CREB5: variants seen among roughly 807,000 people sequenced by gnomAD.
CREB5 encodes the protein cyclic AMP-responsive element-binding protein 5.
Under a neutral mutation model 57.1 loss-of-function variants are expected in CREB5, and 19 were observed. That is an observed-to-expected ratio of 0.33 (90% CI 0.23 to 0.49). The LOEUF is 0.49. CREB5 is among the 20% of genes least tolerant of loss of function. The pLI is 0.99. For synonymous variants in CREB5, 238 were observed against 238.3 expected, an observed-to-expected ratio of 1.00 and a Z score of 0.01; for missense variants, 579 against 671.6, an observed-to-expected ratio of 0.86 and a Z score of 1.52.
Position 28,820,372 on chromosome 7 carries a change from G to C in CREB5, c.*1093G>C, listed in dbSNP as rs754020461. 6.6e-5 allele frequency: 10 copies of C among 152,102 alleles called. No homozygotes were observed. Among genetic ancestry groups the C allele is most frequent in the Non-Finnish European group, 1.3e-4 (9 of 67,994 alleles). 9.4% of individuals were successfully genotyped at this position (152,102 alleles called of 1,614,324 possible). A position where few individuals can be genotyped will look rare whatever the true frequency, so the allele number is the denominator to read the frequency against. On this transcript the variant is annotated 3_prime_UTR_variant, in exon 11 of 11. Transcript: ENST00000357727. ...TCAGAAGGGCTCTATTCACTACACA[G>C]ATTACATTGTTCAATCATCAGCTGC...
intron 1 of CREB5, among the ~76,000 whole-genome samples, chr7:28,426,745 T>C (rs174025): frequency 0.59 from 90,270 of 152,116 alleles, 27,228 homozygotes; most frequent in East Asian, 0.72. Context: ...TAAGAAAACG[T>C]ATCTTCTATT....
intron 5 of CREB5, among the ~76,000 whole-genome samples, chr7:28,627,368 C>G (rs573103807): frequency 6.6e-6 from 1 of 152,156 alleles, no homozygotes; most frequent in African/African-American, 2.4e-5. Flanking sequence ...TCAGCCCTGG[C>G]TACCTGTTGC....
At chr7:28,303,229 C>A (rs1312445270) in intron 1 of CREB5, among the ~76,000 whole-genome samples, 1 of 151,970 alleles carries the variant, frequency 6.6e-6, no homozygotes, top group Non-Finnish European at 1.5e-5. Context: ...TACGATGAAC[C>A]TTATTTATTT....
chr7:28,508,690 A>G (rs1240308155), intron 4 of CREB5, among the ~76,000 whole-genome samples: 1 of 152,166 alleles, frequency 6.6e-6, no homozygotes, highest in East Asian at 1.9e-4. Flanking sequence ...AAGGGCTTGT[A>G]TTTAGCCTGT....
At chr7:28,613,815 C>G (rs1355914770) in intron 5 of CREB5, among the ~76,000 whole-genome samples, 1 of 152,106 alleles carries the variant, frequency 6.6e-6, no homozygotes, top group African/African-American at 2.4e-5. Flanking sequence ...GGCTTAGAGT[C>G]AGAGTTCAAA....
intron 1 of CREB5, among the ~76,000 whole-genome samples, chr7:28,386,300 C>A (rs1264832315): frequency 6.6e-6 from 1 of 152,098 alleles, no homozygotes; most frequent in African/African-American, 2.4e-5. Context: ...AATACATTTT[C>A]TCTATGTAAA....
chr7:28,443,796 A>T (rs539315341), intron 1 of CREB5, among the ~76,000 whole-genome samples: 3 of 152,238 alleles, frequency 2.0e-5, no homozygotes, highest in Middle Eastern at 3.4e-3. Flanking sequence ...TTCACTTACG[A>T]TGATGATGAC....
intron 7 of CREB5, among the ~76,000 whole-genome samples, chr7:28,754,226 T>A (rs1805156815): frequency 6.6e-6 from 1 of 152,158 alleles, no homozygotes; most frequent in African/African-American, 2.4e-5. Context: ...GTGCACCAGC[T>A]CTTTCTTAAA....
intron 1 of CREB5, among the ~76,000 whole-genome samples, chr7:28,480,047 T>C (rs774846645): frequency 6.7e-6 from 1 of 149,728 alleles, no homozygotes; most frequent in Non-Finnish European, 1.5e-5. Context: ...CATTATCCAA[T>C]AAAAATCATC....
intron 7 of CREB5, among the ~76,000 whole-genome samples, chr7:28,764,780 A>C (rs982497326): frequency 2.6e-5 from 4 of 152,238 alleles, no homozygotes; most frequent in Non-Finnish European, 5.9e-5. Context: ...TTTTCACTAG[A>C]GTCTACATAT....
At chr7:28,686,286 C>T (rs1387516625) in intron 5 of CREB5, 15 of 904,622 alleles carry the variant, frequency 1.7e-5, no homozygotes, top group Non-Finnish European at 2.5e-5. Context: ...TCGTCCTCCT[C>T]CTCCTCCTCT....
intron 1 of CREB5, among the ~76,000 whole-genome samples, chr7:28,445,645 A>AG (rs776458910): frequency 1.3e-4 from 20 of 151,536 alleles, no homozygotes; most frequent in Admixed American, 8.6e-4. Flanking sequence ...TCCGCCTCCC[A>AG]GGTTCACGCC....
chr7:28,814,008 T>C (rs1433182212), intron 9 of CREB5, among the ~76,000 whole-genome samples: 1 of 152,190 alleles, frequency 6.6e-6, no homozygotes, highest in Non-Finnish European at 1.5e-5. Context: ...GAATACAAAA[T>C]GGTGATTTTC....
intron 5 of CREB5, among the ~76,000 whole-genome samples, chr7:28,676,145 T>A (rs1359751922): frequency 6.6e-6 from 1 of 152,160 alleles, no homozygotes; most frequent in Non-Finnish European, 1.5e-5. Context: ...AGATAGTACA[T>A]GACCAAAGAA....
chr7:28,626,981 A>G (rs946136759), intron 5 of CREB5, among the ~76,000 whole-genome samples: 1 of 152,168 alleles, frequency 6.6e-6, no homozygotes, highest in African/African-American at 2.4e-5. Flanking sequence ...GCTTGCAATG[A>G]GTTAGAAACA....
intron 1 of CREB5, among the ~76,000 whole-genome samples, chr7:28,449,053 G>T (rs1050974173): frequency 8.6e-5 from 13 of 151,878 alleles, no homozygotes; most frequent in African/African-American, 3.1e-4. Context: ...AATGGCATTT[G>T]CCTCCTCTTT....
chr7:28,765,258 G>A (rs576570239), intron 7 of CREB5, among the ~76,000 whole-genome samples: 4 of 152,134 alleles, frequency 2.6e-5, no homozygotes, highest in Non-Finnish European at 5.9e-5. Flanking sequence ...AGTCTGGTGT[G>A]GTATGATTTT....
chr7:28,560,963 T>TGTGC (rs1795217319), intron 4 of CREB5, among the ~76,000 whole-genome samples: 1 of 48,108 alleles, frequency 2.1e-5, no homozygotes. Flanking sequence ...TGTGTGTGCG[T>TGTGC]GTGTGTGTGC....
chr7:28,592,558 A>G (rs944760398), intron 5 of CREB5, among the ~76,000 whole-genome samples: 1 of 152,178 alleles, frequency 6.6e-6, no homozygotes, highest in Non-Finnish European at 1.5e-5. Flanking sequence ...GTGGCTCTAC[A>G]TCACCCCCAC....
Sources: allele counts gnomAD v4.1 joint callset (sites outside exome capture counted in the v4.1 genomes callset), GRCh38; gene constraint gnomAD v4.1.1; transcripts MANE v1.5; gene names NCBI Gene and HGNC (gene_info 2026-07-23, HGNC 2026-07-21).